Variants in ZNF804B observed in about 807,000 individuals in gnomAD.
ZNF804B encodes the protein zinc finger 804B.
A neutral mutation model predicts 101.4 loss-of-function variants in ZNF804B; 80 were observed. The observed-to-expected ratio is 0.79, with a 90% CI of 0.66 to 0.95. The LOEUF is 0.95. Among genes scored for constraint, ZNF804B ranks in the 40% least tolerant of loss-of-function variants. The pLI is 0.00. For synonymous variants in ZNF804B, 622 were observed against 558.8 expected, an observed-to-expected ratio of 1.11 and a Z score of -1.59; for missense variants, 1,673 against 1,561.9, an observed-to-expected ratio of 1.07 and a Z score of -1.20.
Position 89,252,850 on chromosome 7 carries a change from A to C in ZNF804B, c.249+34555A>C, listed in dbSNP as rs146256586. 1.2e-3 allele frequency among the ~76,000 whole-genome samples: 188 copies of C among 152,258 alleles called. 1 individual carries two copies. The highest frequency in any genetic ancestry group is 4.2e-3 in the African/African-American group (176 of 41,562). On this transcript the variant is annotated intron_variant, in intron 2 of 3. Transcript: ENST00000333190. Reference sequence around the variant, plus strand: ...TAAATACTAGTTACACATGGACATAAAGATGGCAACCATAGACACTGGAAA... The same window carrying C: ...TAAATACTAGTTACACATGGACATACAGATGGCAACCATAGACACTGGAAA...
At chr7:88,922,993 AC>A (rs1792743809) in intron 1 of ZNF804B, among the ~76,000 whole-genome samples, 2 of 152,100 alleles carry the variant, frequency 1.3e-5, no homozygotes, top group South Asian at 2.1e-4. Context: ...ATTATTGAAG[AC>A]AAAATAACTC....
At chr7:89,165,670 CT>C (rs1365366912) in intron 1 of ZNF804B, among the ~76,000 whole-genome samples, 5 of 151,992 alleles carry the variant, frequency 3.3e-5, no homozygotes, top group Admixed American at 6.6e-5. Context: ...CTGTAAAGAA[CT>C]CCTGCACTTC....
intron 1 of ZNF804B, among the ~76,000 whole-genome samples, chr7:89,136,412 A>G (rs982987535): frequency 2.6e-5 from 4 of 152,126 alleles, no homozygotes; most frequent in Admixed American, 2.0e-4. Context: ...GTACAATTCA[A>G]TGGCATTAAG....
chr7:89,274,817 C>T (rs1251180432), intron 2 of ZNF804B, among the ~76,000 whole-genome samples: 1 of 151,842 alleles, frequency 6.6e-6, no homozygotes, highest in Non-Finnish European at 1.5e-5. Context: ...CCTGACTTTC[C>T]TCCATTGTTG....
intron 2 of ZNF804B, 43 bp downstream of exon 2, chr7:89,218,338 A>G: frequency 6.2e-7 from 1 of 1,607,282 alleles, no homozygotes; most frequent in Non-Finnish European, 8.5e-7. Context: ...CTGTATTTAT[A>G]CCTTCAGAAC....
chr7:88,854,472 T>C (rs1206562946), intron 1 of ZNF804B, among the ~76,000 whole-genome samples: 3 of 95,490 alleles, frequency 3.1e-5, no homozygotes, highest in African/African-American at 1.1e-4. Flanking sequence ...TCTTTCTTTC[T>C]TTCTCTTTCC....
chr7:89,034,036 T>C (rs1788884086), intron 1 of ZNF804B, among the ~76,000 whole-genome samples: 1 of 152,098 alleles, frequency 6.6e-6, no homozygotes, highest in African/African-American at 2.4e-5. Flanking sequence ...TAGGTCTAAT[T>C]GATCTCTTCC....
At chr7:88,984,922 G>C (rs1793739402) in intron 1 of ZNF804B, among the ~76,000 whole-genome samples, 1 of 151,620 alleles carries the variant, frequency 6.6e-6, no homozygotes, top group Admixed American at 6.6e-5. Flanking sequence ...GGTCTGCCTT[G>C]GACTTACCTT....
chr7:89,160,406 T>C (rs544696354), intron 1 of ZNF804B, among the ~76,000 whole-genome samples: 1 of 152,268 alleles, frequency 6.6e-6, no homozygotes, highest in South Asian at 2.1e-4. Flanking sequence ...TCTGTGATGG[T>C]TTCAAAACCT....
At chr7:89,231,108 T>C (rs1416172577) in intron 2 of ZNF804B, among the ~76,000 whole-genome samples, 3 of 152,040 alleles carry the variant, frequency 2.0e-5, no homozygotes, top group East Asian at 3.8e-4. Flanking sequence ...TGATCTAATT[T>C]TGAGTATTAA....
chr7:89,295,912 A>G (rs1402021583), intron 2 of ZNF804B, among the ~76,000 whole-genome samples: 1 of 152,166 alleles, frequency 6.6e-6, no homozygotes, highest in Non-Finnish European at 1.5e-5. Context: ...GTGGAAAACC[A>G]CAAACTGTTC....
At chr7:89,189,528 A>C (rs920935613) in intron 1 of ZNF804B, among the ~76,000 whole-genome samples, 6 of 152,168 alleles carry the variant, frequency 3.9e-5, no homozygotes, top group Non-Finnish European at 1.5e-5. Context: ...GGGCTGATAC[A>C]AAGTTATTTT....
At chr7:89,024,424 A>G (rs1424749358) in intron 1 of ZNF804B, among the ~76,000 whole-genome samples, 1 of 152,012 alleles carries the variant, frequency 6.6e-6, no homozygotes, top group Non-Finnish European at 1.5e-5. Flanking sequence ...GCAGATGATA[A>G]TATTTGTTTG....
intron 1 of ZNF804B, among the ~76,000 whole-genome samples, chr7:88,924,730 C>T (rs1792770731): frequency 6.6e-6 from 1 of 152,104 alleles, no homozygotes; most frequent in South Asian, 2.1e-4. Context: ...TATTTTTACT[C>T]ATAGAAGTAG....
intron 1 of ZNF804B, among the ~76,000 whole-genome samples, chr7:89,008,750 C>G (rs1167494154): frequency 6.6e-6 from 1 of 152,162 alleles, no homozygotes; most frequent in African/African-American, 2.4e-5. Context: ...ACTCAGAGCA[C>G]TGCTCATAGA....
At chr7:88,867,132 A>G (rs2115869969) in intron 1 of ZNF804B, among the ~76,000 whole-genome samples, 2 of 152,312 alleles carry the variant, frequency 1.3e-5, no homozygotes, top group South Asian at 4.1e-4. Context: ...TGACATCATT[A>G]GGAGTAAACT....
chr7:88,941,076 A>C (rs1793048480), intron 1 of ZNF804B, among the ~76,000 whole-genome samples: 2 of 152,106 alleles, frequency 1.3e-5, no homozygotes, highest in South Asian at 4.1e-4. Context: ...CAGCTATTTA[A>C]TATTATTATA....
intron 2 of ZNF804B, among the ~76,000 whole-genome samples, chr7:89,281,184 T>G (rs1439134026): frequency 6.6e-6 from 1 of 152,210 alleles, no homozygotes. Context: ...CTATAGATGA[T>G]AAGTTGGCAT....
At chr7:89,213,921 G>A (rs914308653) in intron 1 of ZNF804B, among the ~76,000 whole-genome samples, 2 of 152,174 alleles carry the variant, frequency 1.3e-5, no homozygotes, top group African/African-American at 4.8e-5. Flanking sequence ...TTCATGAGGA[G>A]TTAATGTGTA....
Sources: allele counts gnomAD v4.1 joint callset (sites outside exome capture counted in the v4.1 genomes callset), GRCh38; gene constraint gnomAD v4.1.1; transcripts MANE v1.5; gene names NCBI Gene and HGNC (gene_info 2026-07-23, HGNC 2026-07-21).